The following SLC66A1 variants were observed in gnomAD, a reference collection of about 807,000 sequenced individuals.
The protein encoded by SLC66A1 is solute carrier family 66 member 1, also known as lysosomal amino acid transporter 1 homolog.
A neutral mutation model predicts 33.0 loss-of-function variants in SLC66A1; 23 were observed. That is an observed-to-expected ratio of 0.70 (90% CI 0.50 to 0.99). SLC66A1 has a LOEUF of 0.99. SLC66A1 is among the 50% of genes least tolerant of loss of function. The probability of loss-of-function intolerance (pLI) is 0.00; values close to 1 mark genes in which losing one functional copy is unlikely to be tolerated. For synonymous variants in SLC66A1, 164 were observed against 175.5 expected (o/e 0.93, Z 0.52); for missense variants, 335 against 383.6 (o/e 0.87, Z 1.06).
At position 19,325,704 on chromosome 1, in the gene SLC66A1, G is replaced by A. The variant is rs374258303; in HGVS notation, c.382+122G>A. The A allele has an allele frequency of 1.5e-4, 128 of 840,244 alleles. No individual in the cohort carries two copies. The African/African-American group carries it at 1.7e-3, about 11-fold the overall frequency. The allele number at this position is 840,244 out of a possible 1,614,324, so 52.0% of individuals were successfully genotyped here. ...ATGGCTGGGTGATAACCCAAACCTC[G>A]GAAAGCCTTCCCCGGGCCTTATCTA... On this transcript the variant is annotated intron_variant, in intron 4 of 7. Coordinates refer to ENST00000375153, the MANE Select transcript of SLC66A1 (RefSeq NM_001040125.2).
chr1:19,328,080 C>G lies in SLC66A1; in HGVS notation c.805-492C>G, dbSNP rs545852757. 3.9e-6 allele frequency: 1 copy of G among 259,094 alleles called. No homozygotes were observed. Among genetic ancestry groups the G allele is most frequent in the Non-Finnish European group, 7.6e-6 (1 of 131,150 alleles). 16.0% of individuals were successfully genotyped at this position (259,094 alleles called of 1,614,324 possible). A position where few individuals can be genotyped will look rare whatever the true frequency, so the allele number is the denominator to read the frequency against. On this transcript the variant is annotated intron_variant, in intron 7 of 7. Coordinates refer to ENST00000375153, the MANE Select transcript of SLC66A1 (RefSeq NM_001040125.2). This position sits in a 1 kb window ranked among gnomAD's most constrained non-coding sequence, Gnocchi z 4.7. ...TATCTGGAAACACTCCCCACAGGAC[C>G]CCGTTTTCAGTGAGGGCTCAGAAAG...
rs547799291 is a variant in SLC66A1 at position 19,328,198 on chromosome 1, G to A, written c.805-374G>A. The A allele has an allele frequency of 9.9e-5, 38 of 385,362 alleles. No individual in the cohort carries two copies. The highest frequency in any genetic ancestry group is 7.0e-4 in the South Asian group (27 of 38,718). 23.9% of individuals were successfully genotyped at this position (385,362 alleles called of 1,614,324 possible). Reference sequence around the variant, plus strand: ...TTTTAATATTTGTTAAGTCCCTGCCGGGCGCAGGGAGGGGTGAAAGTTTAG... The same window carrying A: ...TTTTAATATTTGTTAAGTCCCTGCCAGGCGCAGGGAGGGGTGAAAGTTTAG... On this transcript the variant is annotated intron_variant, in intron 7 of 7. Transcript: ENST00000375153. The surrounding 1 kb of genome is among the most constrained non-coding windows in gnomAD (Gnocchi z 4.7).
At chr1:19,331,981 T>TC (rs1254668353), downstream of SLC66A1, among the ~76,000 whole-genome samples, 2 of 152,096 alleles carry the variant, frequency 1.3e-5, no homozygotes, top group Non-Finnish European at 2.9e-5. Context: ...ACATGGCCCC[T>TC]CCCCCTGGGG....
chr1:19,332,119 T>C (rs2093894213), downstream of SLC66A1, among the ~76,000 whole-genome samples: 1 of 152,202 alleles, frequency 6.6e-6, no homozygotes, highest in Admixed American at 6.6e-5. Context: ...ATTCAAACTG[T>C]TGGGGCTGGA....
chr1:19,326,662 G>A (rs763614444), intron 6 of SLC66A1, 39 bp downstream of exon 6: 2 of 1,603,542 alleles, frequency 1.2e-6, no homozygotes, highest in East Asian at 4.5e-5. Context: ...CCGAGTAGAG[G>A]AGAGCTGGCC....
In SLC66A1 at chr1:19,316,768, G is replaced by C. The variant is rs1440099633; in HGVS notation, c.-78-832G>C. ...TATAGCCTGTACCTCCTGGGCTCAA[G>C]TGATCCTCCCACCTCAGCCTCCTGA... On this transcript the variant is annotated intron_variant, in intron 1 of 7. Coordinates refer to ENST00000375153, the MANE Select transcript of SLC66A1 (RefSeq NM_001040125.2). Among the ~76,000 whole-genome samples the C allele has an allele frequency of 2.6e-5, 4 of 152,206 alleles. No homozygotes were observed. In the East Asian group the frequency reaches 7.7e-4, roughly 29 times the overall value.
intron 2 of SLC66A1, among the ~76,000 whole-genome samples, chr1:19,322,267 T>G (rs1041164485): frequency 6.6e-6 from 1 of 152,100 alleles, no homozygotes. Context: ...TCCTCAGGAC[T>G]ATCCGAGTTG....
intron 2 of SLC66A1, among the ~76,000 whole-genome samples, chr1:19,322,742 G>T (rs996711912): frequency 2.0e-5 from 3 of 152,190 alleles, no homozygotes; most frequent in Non-Finnish European, 4.4e-5. Flanking sequence ...GAGCTGGGAG[G>T]AAGAGAGCCA....
chr1:19,326,741 A>G, intron 6 of SLC66A1, 118 bp downstream of exon 6: 1 of 1,089,756 alleles, frequency 9.2e-7, no homozygotes, highest in Non-Finnish European at 1.3e-6. Flanking sequence ...AGTCTGGTCT[A>G]CTCCCGCTGT....
intron 1 of SLC66A1, among the ~76,000 whole-genome samples, chr1:19,315,732 C>G (rs1008670904): frequency 2.0e-5 from 3 of 152,176 alleles, no homozygotes; most frequent in Non-Finnish European, 4.4e-5. Context: ...CTCTCCCTCC[C>G]TCTCTCCCTC....
Position 19,328,461 on chromosome 1 carries a change from C to T in SLC66A1, c.805-111C>T. On this transcript the variant is annotated intron_variant, in intron 7 of 7. Coordinates refer to ENST00000375153, the MANE Select transcript of SLC66A1 (RefSeq NM_001040125.2). This position sits in a 1 kb window ranked among gnomAD's most constrained non-coding sequence, Gnocchi z 4.7. Reference sequence around the variant, plus strand: ...TATGGCTGGCCCTTCCCACCTGCAGCGTGGGGGTGGGAGGGAGGGGAGAGG... The same window carrying T: ...TATGGCTGGCCCTTCCCACCTGCAGTGTGGGGGTGGGAGGGAGGGGAGAGG... 8.4e-6 allele frequency: 8 copies of T among 957,640 alleles called. No individual in the cohort carries two copies. The highest frequency in any genetic ancestry group is 2.8e-5 in the South Asian group (2 of 70,640). The allele number at this position is 957,640 out of a possible 1,614,324, so 59.3% of individuals were successfully genotyped here. A position where few individuals can be genotyped will look rare whatever the true frequency, so the allele number is the denominator to read the frequency against.
In SLC66A1 at chr1:19,319,605, G is replaced by GTTTTTTTTTTTTTTTTTTTTTTTTTT. The variant is rs569177720; in HGVS notation, c.164+1780_164+1781insTTTTTTTTTTTTTTTTTTTTTTTTTT. Among the ~76,000 whole-genome samples, 10 of 111,866 alleles carry GTTTTTTTTTTTTTTTTTTTTTTTTTT rather than the reference G, an allele frequency of 8.9e-5. 1 individual carries two copies. Among genetic ancestry groups the GTTTTTTTTTTTTTTTTTTTTTTTTTT allele is most frequent in the African/African-American group, 4.0e-4 (10 of 24,802 alleles). The allele number at this position is 111,866 out of a possible 152,430, so 73.4% of individuals were successfully genotyped here. ...GATTAATGTTGCTGTGCACATTCATGTTTTTTTTTTTTTTTTGCCTGGTGC... is the reference window on the plus strand; with the variant it reads ...GATTAATGTTGCTGTGCACATTCATGTTTTTTTTTTTTTTTTTTTTTTTTTTTTTTTTTTTTTTTTTTGCCTGGTGC... On this transcript the variant is annotated intron_variant, in intron 2 of 7. Coordinates refer to ENST00000375153, the MANE Select transcript of SLC66A1 (RefSeq NM_001040125.2).
chr1:19,315,166 C>G (rs898016808), intron 1 of SLC66A1, among the ~76,000 whole-genome samples: 27 of 152,242 alleles, frequency 1.8e-4, no homozygotes, highest in African/African-American at 6.3e-4. Flanking sequence ...GCCTTGGCCT[C>G]CCAAAGTGCT....
rs571897908 is a variant in SLC66A1, at chr1:19,315,738, C to T, written c.-78-1862C>T. 4.6e-5 allele frequency among the ~76,000 whole-genome samples: 7 copies of T among 152,198 alleles called. 1 individual carries two copies. ...TGTCTCTCTCTCTCCCTCCCTCTCT[C>T]CCTCTCTCTCTCTCGAGCCACAGAA... On this transcript the variant is annotated intron_variant, in intron 1 of 7. Transcript: ENST00000375153.
At chr1:19,332,985 T>TG (rs2093896770), downstream of SLC66A1, among the ~76,000 whole-genome samples, 1 of 152,124 alleles carries the variant, frequency 6.6e-6, no homozygotes, top group Non-Finnish European at 1.5e-5. Context: ...AACGAGACAC[T>TG]GTATGGGGAA....
chr1:19,331,232 G>A (rs999925544), downstream of SLC66A1, among the ~76,000 whole-genome samples: 1 of 152,150 alleles, frequency 6.6e-6, no homozygotes, highest in African/African-American at 2.4e-5. Flanking sequence ...GGCTGGTCTC[G>A]AACTCCTTAC....
intron 7 of SLC66A1, 87 bp downstream of exon 7, chr1:19,327,499 TC>T (rs2152016048): frequency 7.5e-7 from 1 of 1,336,128 alleles, no homozygotes; most frequent in African/African-American, 1.5e-5. Context: ...ATCCGTCTCT[TC>T]CTCCCTTCAT....
Position 19,328,821 on chromosome 1 carries a change from G to T in SLC66A1, c.*178G>T. On this transcript the variant is annotated 3_prime_UTR_variant, in exon 8 of 8. Transcript: ENST00000375153. The surrounding 1 kb of genome is among the most constrained non-coding windows in gnomAD (Gnocchi z 4.7). ...TTCAGGTAGACCCCGAAGCCTCAAGGCCGGGGCTGGAGCGGAGACCCCAGG... is the reference window on the plus strand; with the variant it reads ...TTCAGGTAGACCCCGAAGCCTCAAGTCCGGGGCTGGAGCGGAGACCCCAGG... The T allele has an allele frequency of 1.5e-6, 1 of 686,592 alleles. No individual in the cohort carries two copies. The highest frequency in any genetic ancestry group is 2.4e-6 in the Non-Finnish European group (1 of 411,628). 42.5% of individuals were successfully genotyped at this position (686,592 alleles called of 1,614,324 possible).
downstream of SLC66A1, among the ~76,000 whole-genome samples, chr1:19,332,502 G>C (rs959944031): frequency 3.3e-5 from 5 of 152,206 alleles, no homozygotes; most frequent in African/African-American, 9.6e-5. Flanking sequence ...GGGTGCAGTG[G>C]TTCACGCCTG....
Sources: gnomAD v4.1 joint callset for allele counts (sites outside exome capture counted in the v4.1 genomes callset) on GRCh38, gnomAD v4.1.1 for gene constraint, Gnocchi (gnomAD v3.1) non-coding constraint, MANE v1.5 for transcripts, NCBI Gene and HGNC (gene_info 2026-07-23, HGNC 2026-07-21) for gene names.